The following DDX60 variants were observed in gnomAD, a reference collection of about 807,000 sequenced individuals.
The protein encoded by DDX60 is probable ATP-dependent RNA helicase DDX60.
In DDX60, 165 loss-of-function variants were observed where a neutral mutation model predicts 212.8. The observed-to-expected ratio is 0.78, with a 90% CI of 0.68 to 0.88. DDX60 has a LOEUF of 0.88. Among genes scored for constraint, DDX60 ranks in the 40% least tolerant of loss-of-function variants. DDX60 has a pLI of 0.00. For missense variants in DDX60, 1,905 were observed against 2,003.9 expected, an observed-to-expected ratio of 0.95 and a Z score of 0.94; for synonymous variants, 703 against 685.3, an observed-to-expected ratio of 1.03 and a Z score of -0.40.
intron 25 of DDX60, among the ~76,000 whole-genome samples, chr4:168,259,467 A>C (rs1405388013): frequency 6.6e-6 from 1 of 152,150 alleles, no homozygotes; most frequent in Non-Finnish European, 1.5e-5. Context: ...AAATTTGCAA[A>C]CACAATCTTA....
At chr4:168,246,094 G>A (rs1264834906) in intron 30 of DDX60, among the ~76,000 whole-genome samples, 1 of 152,074 alleles carries the variant, frequency 6.6e-6, no homozygotes, top group Non-Finnish European at 1.5e-5. Flanking sequence ...ATGGTAGAAA[G>A]GAGTCTATTA....
At chr4:168,223,083 T>C (rs1222247685) in intron 35 of DDX60, among the ~76,000 whole-genome samples, 2 of 152,068 alleles carry the variant, frequency 1.3e-5, no homozygotes, top group African/African-American at 4.8e-5. Context: ...AGGGATTTTG[T>C]AATATGTAGT....
intron 14 of DDX60, among the ~76,000 whole-genome samples, chr4:168,276,458 A>G (rs1407404265): frequency 1.3e-5 from 2 of 152,244 alleles, no homozygotes; most frequent in Non-Finnish European, 2.9e-5. Context: ...AAAGTTTAGG[A>G]AGAATAACAA....
rs548286452 is a variant in DDX60, at chr4:168,252,111, G to A, written c.3705+398C>T. Among the ~76,000 whole-genome samples, 5 of 152,318 alleles carry A rather than the reference G, an allele frequency of 3.3e-5. No individual in the cohort carries two copies. In the East Asian group the frequency reaches 9.6e-4, roughly 29 times the overall value. On this transcript the variant is annotated intron_variant, in intron 27 of 37. Transcript: ENST00000393743. Reference sequence around the variant, plus strand: ...ACCACATGCACCCAAATTTTCAAATGCAGCATGTGAAATTGAAGTCTAGAA... The same window carrying A: ...ACCACATGCACCCAAATTTTCAAATACAGCATGTGAAATTGAAGTCTAGAA...
intron 12 of DDX60, among the ~76,000 whole-genome samples, chr4:168,283,883 G>A (rs957378662): frequency 1.6e-4 from 25 of 152,092 alleles, no homozygotes; most frequent in African/African-American, 5.8e-4. Flanking sequence ...TATGTCCTGT[G>A]CCCTGTGAAT....
Position 168,255,793 on chromosome 4 carries a change from G to A in DDX60, c.3475C>T (p.Pro1159Ser), listed in dbSNP as rs549091320. ...TGGGCTTCTTTATCAGCTTTGGGAG[G>A]CCTTTTTGTCTCCTGCTTTTTCTTT... Reference protein sequence around the residue: ...FLKKKQETKRPPKADKEAHVM... With the variant: ...FLKKKQETKRSPKADKEAHVM... The change falls in exon 26 of 38, where the codon CCT (proline) becomes TCT (serine). Residue 1159 changes from proline to serine, a missense_variant. Physicochemically the swap from Pro to Ser is moderately conservative, Grantham distance 74. Coordinates refer to ENST00000393743, the MANE Select transcript of DDX60 (RefSeq NM_017631.6). The A allele has an allele frequency of 1.9e-6, 3 of 1,608,990 alleles. No homozygotes were observed. The highest frequency in any genetic ancestry group is 2.7e-5 in the African/African-American group (2 of 74,370).
chr4:168,260,760 G>A, intron 25 of DDX60, 105 bp downstream of exon 25: 1 of 1,011,596 alleles, frequency 9.9e-7, no homozygotes, highest in African/African-American at 1.6e-5. Context: ...ACAGACCATG[G>A]GCTGGGCCAG....
chr4:168,222,353 G>A (rs891252448), intron 35 of DDX60, among the ~76,000 whole-genome samples: 7 of 152,036 alleles, frequency 4.6e-5, no homozygotes, highest in East Asian at 1.9e-4. Context: ...AAAAGAAGGC[G>A]GTGAATAGTT....
chr4:168,246,378 G>T, intron 30 of DDX60, 40 bp downstream of exon 30: 1 of 1,611,328 alleles, frequency 6.2e-7, no homozygotes, highest in Non-Finnish European at 8.5e-7. Flanking sequence ...AGTCAGGCCA[G>T]TGATGAAGAC....
rs78184886 is a variant in DDX60, at chr4:168,279,018, A to G, written c.1978+1317T>C. On this transcript the variant is annotated intron_variant, in intron 14 of 37. Coordinates refer to ENST00000393743, the MANE Select transcript of DDX60 (RefSeq NM_017631.6). ...GCCCAATAGAACCTACACATTCATA[A>G]AAGTCCAAAGGAGGCACCAAGACAT... 3.7e-3 allele frequency among the ~76,000 whole-genome samples: 559 copies of G among 152,316 alleles called. 1 individual carries two copies. Among genetic ancestry groups the G allele is most frequent in the African/African-American group, 0.012 (511 of 41,566 alleles).
chr4:168,273,026 C>A (rs1442324246), intron 18 of DDX60, among the ~76,000 whole-genome samples: 2 of 152,126 alleles, frequency 1.3e-5, no homozygotes, highest in Non-Finnish European at 2.9e-5. Flanking sequence ...AATCCCTTTA[C>A]AAACCAAGAC....
intron 25 of DDX60, among the ~76,000 whole-genome samples, chr4:168,258,283 A>G (rs1300777668): frequency 6.6e-6 from 1 of 152,162 alleles, no homozygotes; most frequent in Non-Finnish European, 1.5e-5. Context: ...TCATTTTGCA[A>G]ATAAGTAAAT....
At chr4:168,317,074 A>G (rs113983368) in intron 1 of DDX60, among the ~76,000 whole-genome samples, 224 of 148,912 alleles carry the variant, frequency 1.5e-3, no homozygotes, top group African/African-American at 3.1e-3. Flanking sequence ...AAAAAAAAAA[A>G]AAGAAGAAGA....
chr4:168,306,593 C>G lies in DDX60; in HGVS notation c.392G>C (p.Trp131Ser), dbSNP rs760210554. 1.2e-6 allele frequency: 2 copies of G among 1,614,154 alleles called. No homozygotes were observed. The highest frequency in any genetic ancestry group is 1.3e-5 in the African/African-American group (1 of 75,046). The change falls in exon 5 of 38, where the codon TGG (tryptophan) becomes TCG (serine). Residue 131 changes from tryptophan to serine, a missense_variant. Transcript: ENST00000393743. ...TTFSRCLSKEWGSFLEESYPY... is the reference protein window; with the variant it reads ...TTFSRCLSKESGSFLEESYPY... ...GTAACTCTCTTCCAAGAAACTTCCC[C>G]ACTCTTTTGATAAGCATCTCGAAAA... is the stretch of plus-strand genomic sequence containing the variant.
rs752500804 is a variant in DDX60 at position 168,291,757 on chromosome 4, T to C, written c.1032A>G (p.Leu344=). 6.3e-7 allele frequency: 1 copy of C among 1,585,564 alleles called. No individual in the cohort carries two copies. Among genetic ancestry groups the C allele is most frequent in the Non-Finnish European group, 8.5e-7 (1 of 1,171,258 alleles). ...TAAAGAGTACATTTACCATTTGTAA[T>C]AAAGGCTTCATGTCCTCAGCCCAAT... is the stretch of plus-strand genomic sequence containing the variant. ...TSHWAEDMKP[L]LQMKKWCEYF... Residue 344 remains leucine (L), a synonymous_variant, in exon 8 of 38, where the codon TTA becomes TTG. Transcript: ENST00000393743.
In DDX60 at chr4:168,220,728, C is replaced by T. The variant is rs1560807174; in HGVS notation, c.4977-11G>A. 7.3e-6 allele frequency: 10 copies of T among 1,370,142 alleles called. No homozygotes were observed. Among genetic ancestry groups the T allele is most frequent in the Non-Finnish European group, 8.7e-6 (9 of 1,038,074 alleles). The allele number at this position is 1,370,142 out of a possible 1,614,324, so 84.9% of individuals were successfully genotyped here. On this transcript the variant is annotated splice_polypyrimidine_tract_variant and intron_variant, in intron 36 of 37. Transcript: ENST00000393743. The stretch of plus-strand genomic sequence containing the variant: ...TCTCCTTCATTCATCCTAAAGAAAA[C>T]AACATTTTGAAAATTAATAATACAA...
chr4:168,241,190 G>A (rs1450496803), intron 30 of DDX60, among the ~76,000 whole-genome samples: 5 of 152,176 alleles, frequency 3.3e-5, no homozygotes, highest in Non-Finnish European at 2.9e-5. Context: ...GGAACTGTAA[G>A]TCCATTAAAA....
At chr4:168,285,937 A>T (rs868842077) in intron 10 of DDX60, among the ~76,000 whole-genome samples, 9 of 97,216 alleles carry the variant, frequency 9.3e-5, no homozygotes, top group Admixed American at 8.0e-4. Flanking sequence ...GGAAGGAAGG[A>T]AGGGAGGAAG....
At chr4:168,306,840 G>T in intron 4 of DDX60, 120 bp from the exon 5 acceptor site, 2 of 742,428 alleles carry the variant, frequency 2.7e-6, no homozygotes, top group Non-Finnish European at 4.3e-6. Flanking sequence ...CTGTCTGATG[G>T]TCGGGGAATA....
Sources: allele counts gnomAD v4.1 joint callset (sites outside exome capture counted in the v4.1 genomes callset), GRCh38; gene constraint gnomAD v4.1.1; transcripts MANE v1.5; gene names NCBI Gene and HGNC (gene_info 2026-07-23, HGNC 2026-07-21).